The following PRKX variants were observed in gnomAD, a reference collection of about 807,000 sequenced individuals.
PRKX encodes the protein protein kinase cAMP-dependent X-linked catalytic subunit, also known as cAMP-dependent protein kinase catalytic subunit PRKX.
PRKX carries 12 observed loss-of-function variants against 22.0 expected under a neutral mutation model. The ratio of observed to expected loss-of-function variants is 0.54; its 90% CI spans 0.35 to 0.88. The LOEUF (loss-of-function observed/expected upper bound fraction) is 0.88. Among genes scored for constraint, PRKX ranks in the 40% least tolerant of loss-of-function variants. PRKX has a pLI of 0.01. For synonymous variants in PRKX, 134 were observed against 137.7 expected, an observed-to-expected ratio of 0.97 and a Z score of 0.19; for missense variants, 217 against 308.0, an observed-to-expected ratio of 0.70 and a Z score of 2.21.
intron 1 of PRKX, among the ~76,000 whole-genome samples, chrX:3,679,761 G>A (rs758868377): frequency 8.9e-6 from 1 of 112,133 alleles, no homozygotes; most frequent in East Asian, 2.8e-4. Context: ...ACATTTCAGA[G>A]ACTTAGAAGG....
intron 5 of PRKX, among the ~76,000 whole-genome samples, chrX:3,624,045 G>A (rs1926611711): frequency 9.0e-6 from 1 of 111,178 alleles, no homozygotes; most frequent in African/African-American, 3.3e-5. Context: ...GGACAACCAG[G>A]GACAGTGATT....
chrX:3,706,036 T>C (rs934470691), intron 1 of PRKX, among the ~76,000 whole-genome samples: 3 of 108,612 alleles, frequency 2.8e-5, no homozygotes, highest in Non-Finnish European at 3.8e-5. Context: ...GTCATCAACA[T>C]TACTACCTTT....
chrX:3,629,768 C>T (rs1926732443), intron 4 of PRKX, among the ~76,000 whole-genome samples: 1 of 111,805 alleles, frequency 8.9e-6, no homozygotes, highest in African/African-American at 3.3e-5. Context: ...ATCCTCCCAC[C>T]TCAGGCTCCC....
chrX:3,661,575 G>T (rs1927596304), intron 2 of PRKX, among the ~76,000 whole-genome samples: 1 of 103,859 alleles, frequency 9.6e-6, no homozygotes, highest in African/African-American at 3.5e-5. Context: ...CAGCCTCAGT[G>T]ACAGAGCCAG....
At chrX:3,618,246 G>C (rs931027733) in intron 6 of PRKX, among the ~76,000 whole-genome samples, 2 of 110,527 alleles carry the variant, frequency 1.8e-5, no homozygotes, top group Non-Finnish European at 3.8e-5. Flanking sequence ...AAGTGAGAGA[G>C]ACAGGAGGAA....
At chrX:3,664,609 G>A (rs1181661817) in intron 2 of PRKX, among the ~76,000 whole-genome samples, 2 of 112,377 alleles carry the variant, frequency 1.8e-5, no homozygotes, top group African/African-American at 6.5e-5. Flanking sequence ...AAAAGTCACA[G>A]AAAATGTAGT....
At position 3,693,974 on chromosome X, in the gene PRKX, G is replaced by A. The variant is rs1486300081; in HGVS notation, c.166+19114C>T. Among the ~76,000 whole-genome samples, 3 of 107,841 alleles carry A rather than the reference G, an allele frequency of 2.8e-5. No individual in the cohort carries two copies. In the Admixed American group the frequency reaches 3.0e-4, roughly 11 times the overall value. The allele number at this position is 107,841 out of a possible 115,157, so 93.6% of individuals were successfully genotyped here. ...AAAAAAAAAAAGAAAAGAAAATAGG[G>A]TCTTTGTAGTTTCTATTAAGTAAAC... On this transcript the variant is annotated intron_variant, in intron 1 of 8. Coordinates refer to ENST00000262848, the MANE Select transcript of PRKX (RefSeq NM_005044.5).
At chrX:3,661,582 C>G (rs1927596503) in intron 2 of PRKX, among the ~76,000 whole-genome samples, 1 of 100,822 alleles carries the variant, frequency 9.9e-6, no homozygotes, top group African/African-American at 3.6e-5. Flanking sequence ...AGTGACAGAG[C>G]CAGACCCTAT....
At chrX:3,666,313 G>A (rs761445970) in intron 2 of PRKX, among the ~76,000 whole-genome samples, 4 of 109,594 alleles carry the variant, frequency 3.6e-5, no homozygotes, top group South Asian at 8.1e-4. Flanking sequence ...CCGCCACCAC[G>A]CCCAGCTAAT....
chrX:3,625,375 C>T (rs759546306), intron 5 of PRKX, among the ~76,000 whole-genome samples: 1 of 111,386 alleles, frequency 9.0e-6, no homozygotes, highest in South Asian at 3.9e-4. Context: ...GAACTTCCAC[C>T]GGCTCATAAG....
chrX:3,661,596 GAAAAAAAA>G (rs11408481), intron 2 of PRKX, among the ~76,000 whole-genome samples: 1 of 97,744 alleles, frequency 1.0e-5, no homozygotes, highest in Non-Finnish European at 2.1e-5. Flanking sequence ...ACCCTATCTG[GAAAAAAAA>G]AAAAAGACTT....
chrX:3,688,896 C>A (rs951407389), intron 1 of PRKX, among the ~76,000 whole-genome samples: 1 of 107,871 alleles, frequency 9.3e-6, no homozygotes, highest in Non-Finnish European at 1.9e-5. Flanking sequence ...AAAAGTGAGG[C>A]TCTTCTCCAT....
rs368993045 is a variant in PRKX at position 3,659,987 on chromosome X, C to T, written c.336-4575G>A. ...TCCTTCCATCTTATCACTGACATCT[C>T]GACTCATTTTCTCCCAGCTAAATGC... On this transcript the variant is annotated intron_variant, in intron 2 of 8. Transcript: ENST00000262848. Among the ~76,000 whole-genome samples the T allele has an allele frequency of 4.5e-5, 5 of 111,311 alleles. No homozygotes were observed. In the East Asian group the frequency reaches 8.5e-4, roughly 19 times the overall value.
At chrX:3,665,528 G>A (rs1211416501) in intron 2 of PRKX, among the ~76,000 whole-genome samples, 1 of 110,715 alleles carries the variant, frequency 9.0e-6, no homozygotes, top group Non-Finnish European at 1.9e-5. Context: ...CTGAAATCAG[G>A]CACTGGACAG....
chrX:3,661,633 T>A (rs1927598160), intron 2 of PRKX, among the ~76,000 whole-genome samples: 2 of 110,372 alleles, frequency 1.8e-5, no homozygotes. Context: ...TGGACAGAAT[T>A]TGTACAGAGC....
chrX:3,647,421 TTA>T (rs969730448), intron 3 of PRKX, among the ~76,000 whole-genome samples: 10 of 105,655 alleles, frequency 9.5e-5, no homozygotes, highest in African/African-American at 1.7e-4. Context: ...TTAAATATAA[TTA>T]TGTTTAACTA....
intron 1 of PRKX, among the ~76,000 whole-genome samples, chrX:3,702,069 T>C (rs1273080004): frequency 2.7e-5 from 3 of 112,271 alleles, no homozygotes; most frequent in Non-Finnish European, 5.6e-5. Flanking sequence ...CTTGAATTTT[T>C]TCTTGCACAA....
chrX:3,614,583 T>C (rs1926379073), intron 7 of PRKX, among the ~76,000 whole-genome samples: 1 of 111,577 alleles, frequency 9.0e-6, no homozygotes, highest in Non-Finnish European at 1.9e-5. Context: ...ATGGATGTCA[T>C]GAAGGTTGAG....
In PRKX at chrX:3,684,530, G is replaced by A. The variant is rs559800169; in HGVS notation, c.167-9764C>T. On this transcript the variant is annotated intron_variant, in intron 1 of 8. Transcript: ENST00000262848. Reference sequence around the variant, plus strand: ...TACCTATTAATTACACTCTGACCTCGGTTCATCCTGGGAAAGGGTTTCAGG... The same window carrying A: ...TACCTATTAATTACACTCTGACCTCAGTTCATCCTGGGAAAGGGTTTCAGG... Among the ~76,000 whole-genome samples, 136 of 111,617 alleles carry A rather than the reference G, an allele frequency of 1.2e-3. 1 individual carries two copies. Among genetic ancestry groups the A allele is most frequent in the Middle Eastern group, 9.2e-3 (2 of 217 alleles).
Sources: gnomAD v4.1 joint callset for allele counts (sites outside exome capture counted in the v4.1 genomes callset) on GRCh38, gnomAD v4.1.1 for gene constraint, MANE v1.5 for transcripts, NCBI Gene and HGNC (gene_info 2026-07-23, HGNC 2026-07-21) for gene names.